Variants in INSYN1 observed in about 807,000 individuals in gnomAD.
INSYN1 encodes the protein UPF0583 protein C15orf59.
Under a neutral mutation model 17.1 loss-of-function variants are expected in INSYN1, and 7 were observed. The ratio of observed to expected loss-of-function variants is 0.41; its 90% CI spans 0.23 to 0.77. The LOEUF is 0.77. Among genes scored for constraint, INSYN1 ranks in the 30% least tolerant of loss-of-function variants. The pLI, the probability that INSYN1 is intolerant of heterozygous loss-of-function variation, is 0.32. For synonymous variants in INSYN1, 174 were observed against 166.3 expected, an observed-to-expected ratio of 1.05 and a Z score of -0.36; for missense variants, 339 against 400.6, an observed-to-expected ratio of 0.85 and a Z score of 1.31.
intron 2 of INSYN1, 48 bp from the exon 3 acceptor site, chr15:73,740,690 G>A: frequency 9.5e-6 from 14 of 1,471,358 alleles, no homozygotes; most frequent in Non-Finnish European, 1.3e-5. Flanking sequence ...GTGGGTCCCT[G>A]CATCAGCCAG....
Position 73,745,535 on chromosome 15 carries a change from C to T in INSYN1, c.157-4893G>A, listed in dbSNP as rs905300266. Among the ~76,000 whole-genome samples the T allele has an allele frequency of 3.9e-5, 6 of 152,292 alleles. No individual in the cohort carries two copies. The East Asian group carries it at 5.8e-4, about 15-fold the overall frequency. ...ACAATTTTGCACCTATATGTTATAA[C>T]GTGGTTGATGTCTGTCTCCCCACTA... is the stretch of plus-strand genomic sequence containing the variant. On this transcript the variant is annotated intron_variant, in intron 2 of 2. Transcript: ENST00000569673.
rs1423693343 is a variant in INSYN1 at position 73,751,084 on chromosome 15, G to C, written c.47C>G (p.Pro16Arg). Residue 16 changes from proline (P) to arginine (R), a missense_variant, in exon 2 of 3, where the codon CCC becomes CGC. Coordinates refer to ENST00000569673, the MANE Select transcript of INSYN1 (RefSeq NM_001039614.3). ...APDLGQPSDD[P>R]SSGGERERIR... ...CCGCTCCCGCTCACCACCACTGCTG[G>C]GGTCGTCACTGGGCTGCCCGAGGTC... 2 of 1,614,006 alleles carry C rather than the reference G, an allele frequency of 1.2e-6. No homozygotes were observed. Among genetic ancestry groups the C allele is most frequent in the South Asian group, 1.1e-5 (1 of 91,084 alleles).
At position 73,748,748 on chromosome 15, in the gene INSYN1, G is replaced by A. The variant is rs75117465; in HGVS notation, c.156+2227C>T. ...CCCATCTCACAGGAAGACGGTGATG[G>A]CATCTCTTCTTTTGCTTGGGCCTCC... is the stretch of plus-strand genomic sequence containing the variant. On this transcript the variant is annotated intron_variant, in intron 2 of 2. Transcript: ENST00000569673. 1.4e-3 allele frequency among the ~76,000 whole-genome samples: 217 copies of A among 152,272 alleles called. 2 individuals are homozygous for A. The East Asian group carries it at 0.034, about 24-fold the overall frequency.
rs898149759 is a variant in INSYN1, at chr15:73,737,778, G to A, written c.*2139C>T. On this transcript the variant is annotated 3_prime_UTR_variant, in exon 3 of 3. Coordinates refer to ENST00000569673, the MANE Select transcript of INSYN1 (RefSeq NM_001039614.3). ...GATAGCACCTCTTCAGGCAGGAGCA[G>A]TGGGTGCTGCCAGGCCTGCTGCTCA... is the stretch of plus-strand genomic sequence containing the variant. The A allele has an allele frequency of 6.6e-6, 1 of 152,316 alleles. No homozygotes were observed. The allele number at this position is 152,316 out of a possible 1,614,324, so 9.4% of individuals were successfully genotyped here. A position where few individuals can be genotyped will look rare whatever the true frequency, so the allele number is the denominator to read the frequency against.
Position 73,753,005 on chromosome 15 carries a change from G to A in INSYN1, c.-1463C>T, listed in dbSNP as rs1245369971. Among the ~76,000 whole-genome samples, 2 of 150,232 alleles carry A rather than the reference G, an allele frequency of 1.3e-5. No individual in the cohort carries two copies. The highest frequency in any genetic ancestry group is 2.4e-5 in the African/African-American group (1 of 41,148). Reference sequence around the variant, plus strand: ...CGAGCGGCGGGCCGGGCCGGGCCGGGGCGCACTAGGCTCGCAGCCTCCGCT... The same window carrying A: ...CGAGCGGCGGGCCGGGCCGGGCCGGAGCGCACTAGGCTCGCAGCCTCCGCT... On this transcript the variant is annotated 5_prime_UTR_variant, in exon 1 of 3. Transcript: ENST00000569673. The surrounding 1 kb of genome is among the most constrained non-coding windows in gnomAD (Gnocchi z 4.2).
rs545924324 is a variant in INSYN1 at position 73,740,753 on chromosome 15, T to A, written c.157-111A>T. Reference sequence around the variant, plus strand: ...GTAGACCCCTGGCTGATGAGCGTACTGGACAGGGGAGAGCCTGTAGGATGG... The same window carrying A: ...GTAGACCCCTGGCTGATGAGCGTACAGGACAGGGGAGAGCCTGTAGGATGG... On this transcript the variant is annotated intron_variant, in intron 2 of 2. Coordinates refer to ENST00000569673, the MANE Select transcript of INSYN1 (RefSeq NM_001039614.3). 2.6e-5 allele frequency: 23 copies of A among 890,616 alleles called. No individual in the cohort carries two copies. The African/African-American group carries it at 3.5e-4, about 14-fold the overall frequency. The allele number at this position is 890,616 out of a possible 1,614,324, so 55.2% of individuals were successfully genotyped here.
chr15:73,742,477 C>T (rs1296724143), intron 2 of INSYN1, among the ~76,000 whole-genome samples: 1 of 152,136 alleles, frequency 6.6e-6, no homozygotes, highest in Non-Finnish European at 1.5e-5. Flanking sequence ...GAGCACCTAC[C>T]ATGCACCATG....
At chr15:73,743,855 A>G (rs113769091) in intron 2 of INSYN1, among the ~76,000 whole-genome samples, 2,930 of 97,776 alleles carry the variant, frequency 0.03, 96 homozygotes, top group Middle Eastern at 0.042. Context: ...AAAAAAAAAA[A>G]AAAGAAAGAA....
At chr15:73,747,255 C>T (rs75244453) in intron 2 of INSYN1, among the ~76,000 whole-genome samples, 3,624 of 152,204 alleles carry the variant, frequency 0.024, 155 homozygotes, top group African/African-American at 0.082. Context: ...TTATTGGAGA[C>T]CCCCTTCCTG....
chr15:73,743,576 T>C (rs1901742200), intron 2 of INSYN1, among the ~76,000 whole-genome samples: 1 of 151,648 alleles, frequency 6.6e-6, no homozygotes, highest in Non-Finnish European at 1.5e-5. Flanking sequence ...TCCCAGCACT[T>C]TGGGAGGCCG....
In INSYN1 at chr15:73,753,176, C is replaced by G. The variant is rs1053416234; in HGVS notation, c.-1634G>C. Among the ~76,000 whole-genome samples, 1 of 146,084 alleles carries G rather than the reference C, an allele frequency of 6.8e-6. No individual in the cohort carries two copies. The highest frequency in any genetic ancestry group is 6.8e-5 in the Admixed American group (1 of 14,758). ...TCGCCCTGCCCTGCCCCGCCGGGCT[C>G]CCGGGGCCTGGGCCCGCTCCCCAAG... On this transcript the variant is annotated 5_prime_UTR_variant, in exon 1 of 3. Transcript: ENST00000569673. This position sits in a 1 kb window ranked among gnomAD's most constrained non-coding sequence, Gnocchi z 4.2.
chr15:73,746,125 T>TA (rs1901824438), intron 2 of INSYN1, among the ~76,000 whole-genome samples: 1 of 146,908 alleles, frequency 6.8e-6, no homozygotes, highest in African/African-American at 2.5e-5. Flanking sequence ...GCTGGTTACA[T>TA]AACTGGGGAT....
intron 2 of INSYN1, among the ~76,000 whole-genome samples, chr15:73,747,547 C>A (rs1430689006): frequency 3.3e-5 from 5 of 152,218 alleles, no homozygotes; most frequent in Non-Finnish European, 7.3e-5. Context: ...TTAATTCTCG[C>A]AACAACCCTG....
chr15:73,737,343 T>G lies in INSYN1; in HGVS notation c.*2574A>C, dbSNP rs988864601. ...TGTTATGTCCATTCTTAGCACCAGG[T>G]AGGCCCATTCCTGGTCGGGGACTGC... On this transcript the variant is annotated 3_prime_UTR_variant, in exon 3 of 3. Transcript: ENST00000569673. The G allele has an allele frequency of 3.3e-5, 5 of 152,262 alleles. No individual in the cohort carries two copies. Among genetic ancestry groups the G allele is most frequent in the African/African-American group, 1.2e-4 (5 of 41,454 alleles). 9.4% of individuals were successfully genotyped at this position (152,262 alleles called of 1,614,324 possible). A position where few individuals can be genotyped will look rare whatever the true frequency, so the allele number is the denominator to read the frequency against.
In INSYN1 at chr15:73,747,486, G is replaced by A. The variant is rs1411378306; in HGVS notation, c.156+3489C>T. Among the ~76,000 whole-genome samples the A allele has an allele frequency of 4.6e-5, 7 of 152,330 alleles. No homozygotes were observed. In the East Asian group the frequency reaches 5.8e-4, roughly 13 times the overall value. ...TTCATTAAAAACATCAAACAGATACGGAGTGAGCTTTGTGCCTCTCATTGT... is the reference window on the plus strand; with the variant it reads ...TTCATTAAAAACATCAAACAGATACAGAGTGAGCTTTGTGCCTCTCATTGT... On this transcript the variant is annotated intron_variant, in intron 2 of 2. Coordinates refer to ENST00000569673, the MANE Select transcript of INSYN1 (RefSeq NM_001039614.3).
At chr15:73,741,731 C>G (rs1045190898) in intron 2 of INSYN1, among the ~76,000 whole-genome samples, 4 of 152,226 alleles carry the variant, frequency 2.6e-5, no homozygotes, top group African/African-American at 4.8e-5. Context: ...TCATCCAGAT[C>G]AGAATCCAGC....
intron 2 of INSYN1, among the ~76,000 whole-genome samples, chr15:73,749,652 C>G (rs1178447025): frequency 6.6e-6 from 1 of 152,228 alleles, no homozygotes; most frequent in Non-Finnish European, 1.5e-5. Context: ...GCAGGGGCAT[C>G]TGGCGCTTGA....
intron 2 of INSYN1, among the ~76,000 whole-genome samples, chr15:73,748,356 G>A (rs886960476): frequency 3.3e-5 from 5 of 152,150 alleles, no homozygotes; most frequent in Admixed American, 2.0e-4. Context: ...CACTCCGCTG[G>A]CCTTGTTCTT....
chr15:73,744,682 G>A (rs1468002392), intron 2 of INSYN1, among the ~76,000 whole-genome samples: 1 of 152,144 alleles, frequency 6.6e-6, no homozygotes, highest in Non-Finnish European at 1.5e-5. Flanking sequence ...TTGCCTACAT[G>A]TAATTTGGGA....
Sources: gnomAD v4.1 joint callset for allele counts (sites outside exome capture counted in the v4.1 genomes callset) on GRCh38, gnomAD v4.1.1 for gene constraint, Gnocchi (gnomAD v3.1) non-coding constraint, MANE v1.5 for transcripts, NCBI Gene and HGNC (gene_info 2026-07-23, HGNC 2026-07-21) for gene names.